TCHH: variants seen among roughly 807,000 people sequenced by gnomAD.
The protein encoded by TCHH is trichohyalin.
A neutral mutation model predicts 6.3 loss-of-function variants in TCHH; 6 were observed. The ratio of observed to expected loss-of-function variants is 0.95; its 90% CI spans 0.52 to 1.88. TCHH has a LOEUF of 1.88. Ranked by LOEUF, TCHH falls within the 40% of genes most tolerant of loss-of-function variation. The pLI, the probability that TCHH is intolerant of heterozygous loss-of-function variation, is 0.01. For synonymous variants in TCHH, 1,087 were observed against 963.6 expected, an observed-to-expected ratio of 1.13 and a Z score of -2.37; for missense variants, 2,920 against 2,449.1, an observed-to-expected ratio of 1.19 and a Z score of -4.06.
Position 152,107,464 on chromosome 1 carries a change from T to C in TCHH, c.5753A>G (p.His1918Arg). ...GCGCACTGGGACACTGGCAAACTGA[T>C]GAGTGCCGGGCTCCAGAAGCCGCCC... ...GHGRLLEPGT[H>R]QFASVPVRSS... The change falls in exon 3 of 3, where the codon CAT becomes CGT. Residue 1918 changes from histidine (H) to arginine (R), a missense_variant. By Grantham distance (29) the His-to-Arg change is conservative. Coordinates refer to ENST00000614923, the MANE Select transcript of TCHH (RefSeq NM_007113.4). The C allele has an allele frequency of 6.2e-7, 1 of 1,614,078 alleles. No individual in the cohort carries two copies. Among genetic ancestry groups the C allele is most frequent in the Non-Finnish European group, 8.5e-7 (1 of 1,179,964 alleles).
intron 1 of TCHH, among the ~76,000 whole-genome samples, chr1:152,114,485 C>T (rs1002899585): frequency 1.1e-4 from 16 of 152,062 alleles, no homozygotes; most frequent in African/African-American, 3.6e-4. Context: ...TAAAGTTGAG[C>T]GAAGAGGACA....
Position 152,111,003 on chromosome 1 carries a change from C to T in TCHH, c.2214G>A (p.Lys738=). Residue 738 remains lysine (K), a synonymous_variant, in exon 3 of 3, where the codon AAG becomes AAA. Transcript: ENST00000614923. ...GCAGCTCACTCTCCCGGCGCCGCCT[C>T]TTTTCCTCCTGCTCTTGGCGGCGCC... The part of the protein sequence containing the change: ...GQRRRQEQEE[K]RRRRESELQW... The T allele has an allele frequency of 6.2e-7, 1 of 1,613,614 alleles. No individual in the cohort carries two copies. Among genetic ancestry groups the T allele is most frequent in the Non-Finnish European group, 8.5e-7 (1 of 1,180,028 alleles).
chr1:152,107,785 TGCTGTTCTTCCCTCTCCTGGCGTA>T lies in TCHH; in HGVS notation c.5408_5431del (p.Leu1803_Gln1810del). ...TCCGTCACGCTGTTGGGGGCGCAGC[TGCTGTTCTTCCCTCTCCTGGCGTA>T]GCTGTTCCTCCTCGCGGAATTTTCT... On this transcript the variant is annotated inframe_deletion, in exon 3 of 3. Coordinates refer to ENST00000614923, the MANE Select transcript of TCHH (RefSeq NM_007113.4). 3 of 1,614,222 alleles carry T rather than the reference TGCTGTTCTTCCCTCTCCTGGCGTA, an allele frequency of 1.9e-6. No homozygotes were observed. The highest frequency in any genetic ancestry group is 2.5e-6 in the Non-Finnish European group (3 of 1,180,010).
At position 152,107,940 on chromosome 1, in the gene TCHH, C is replaced by G. The variant is rs756671908; in HGVS notation, c.5277G>C (p.Arg1759Ser). ...CCTGGCGGCGCAGCTGCTGTTCTTC[C>G]CTTTCCGGACGGAGCTGCTCTTCCT... ...ILEEEQLRPEREEQQLRRQER... is the reference protein window; with the variant it reads ...ILEEEQLRPESEEQQLRRQER... Residue 1759 changes from arginine (R) to serine (S), a missense_variant, in exon 3 of 3, where the codon AGG becomes AGC. Physicochemically the swap from Arg to Ser is moderately radical, Grantham distance 110 (BLOSUM62 -1). Transcript: ENST00000614923. 1.6e-5 allele frequency: 26 copies of G among 1,613,662 alleles called. No homozygotes were observed. In the East Asian group the frequency reaches 5.6e-4, roughly 35 times the overall value.
In TCHH at chr1:152,108,083, C is replaced by T. The variant is rs781392497; in HGVS notation, c.5134G>A (p.Glu1712Lys). The T allele has an allele frequency of 6.8e-6, 11 of 1,613,662 alleles. No individual in the cohort carries two copies. Among genetic ancestry groups the T allele is most frequent in the Non-Finnish European group, 9.3e-6 (11 of 1,179,894 alleles). ...RQERERKFLQ[E>K]EQQLRRQELE... Reference sequence around the variant, plus strand: ...TCCTGGCGGCGCAGCTGCTGTTCCTCCTGGAGGAATTTTCTCTCTCGTTCC... The same window carrying T: ...TCCTGGCGGCGCAGCTGCTGTTCCTTCTGGAGGAATTTTCTCTCTCGTTCC... Residue 1712 changes from glutamate to lysine, a missense_variant, in exon 3 of 3, where the codon GAG (glutamate) becomes AAG (lysine). Coordinates refer to ENST00000614923, the MANE Select transcript of TCHH (RefSeq NM_007113.4).
Position 152,110,628 on chromosome 1 carries a change from C to T in TCHH, c.2589G>A (p.Arg863=), listed in dbSNP as rs747254927. Residue 863 remains arginine (R), a synonymous_variant, in exon 3 of 3, where the codon AGG becomes AGA. Transcript: ENST00000614923. ...EDGLQEDQER[R]RSQEQRRDQK... Reference sequence around the variant, plus strand: ...GGTCGCGGCGCTGCTCCTGGCTTCGCCTCCTCTCCTGATCCTCCTGGAGGC... The same window carrying T: ...GGTCGCGGCGCTGCTCCTGGCTTCGTCTCCTCTCCTGATCCTCCTGGAGGC... 2 of 1,614,136 alleles carry T rather than the reference C, an allele frequency of 1.2e-6. No homozygotes were observed. Among genetic ancestry groups the T allele is most frequent in the Non-Finnish European group, 1.7e-6 (2 of 1,180,036 alleles).
rs1253132902 is a variant in TCHH at position 152,110,463 on chromosome 1, G to T, written c.2754C>A (p.Arg918=). 6.2e-7 allele frequency: 1 copy of T among 1,613,594 alleles called. No individual in the cohort carries two copies. The highest frequency in any genetic ancestry group is 1.3e-5 in the African/African-American group (1 of 74,752). ...EEEEELQREE[R]EKRRRQEQER... The stretch of plus-strand genomic sequence containing the variant: ...CCTGTTCTTGGCGCCTTCTCTTCTC[G>T]CGCTCCTCTCTCTGTAGCTCCTCCT... The change falls in exon 3 of 3, where the codon CGC becomes CGA. Residue 918 remains arginine, a synonymous_variant. Transcript: ENST00000614923.
Position 152,108,787 on chromosome 1 carries a change from T to C in TCHH, c.4430A>G (p.Gln1477Arg), listed in dbSNP as rs759805045. 3.0e-5 allele frequency: 48 copies of C among 1,612,860 alleles called. No individual in the cohort carries two copies. The highest frequency in any genetic ancestry group is 4.0e-5 in the Non-Finnish European group (47 of 1,179,702). ...EQLLQEREEQ[Q>R]LHRQERDRKF... Reference sequence around the variant, plus strand: ...TCTGTCACGCTCTTGGCGGTGCAGCTGCTGTTCTTCCCTTTCCTGGAGCAG... The same window carrying C: ...TCTGTCACGCTCTTGGCGGTGCAGCCGCTGTTCTTCCCTTTCCTGGAGCAG... The change falls in exon 3 of 3, where the codon CAG (glutamine) becomes CGG (arginine). Residue 1477 changes from glutamine to arginine, a missense_variant. By Grantham distance (43) the Gln-to-Arg change is conservative (BLOSUM62 1). Transcript: ENST00000614923.
Position 152,108,210 on chromosome 1 carries a change from G to A in TCHH, c.5007C>T (p.Phe1669=). 6.2e-7 allele frequency: 1 copy of A among 1,610,896 alleles called. No homozygotes were observed. The highest frequency in any genetic ancestry group is 8.5e-7 in the Non-Finnish European group (1 of 1,179,244). The part of the protein sequence containing the change: ...QQLRHDRDRK[F]REEEQLLQEG... ...CCTGGAGCAGCTGTTCCTCTTCACG[G>A]AATTTTCTGTCGCGGTCGTGACGCA... Residue 1669 remains phenylalanine (F), a synonymous_variant, in exon 3 of 3, where the codon TTC becomes TTT. Transcript: ENST00000614923.
In TCHH at chr1:152,109,062, G is replaced by A; in HGVS notation, c.4155C>T (p.Arg1385=). 1 of 1,613,100 alleles carries A rather than the reference G, an allele frequency of 6.2e-7. No homozygotes were observed. Among genetic ancestry groups the A allele is most frequent in the Non-Finnish European group, 8.5e-7 (1 of 1,179,824 alleles). ...TAAGGAATTTTCTCTCCCGTTCCTG[G>A]CGGCGCAGCCGCTGTTCCTCCTCGA... ...KFLEEEQRLR[R]QERERKFLKE... is the part of the protein sequence containing the mutation. The change falls in exon 3 of 3, where the codon CGC becomes CGT. Residue 1385 remains arginine (R), a synonymous_variant. Coordinates refer to ENST00000614923, the MANE Select transcript of TCHH (RefSeq NM_007113.4).
chr1:152,107,352 C>T lies in TCHH; in HGVS notation c.*33G>A, dbSNP rs1431020872. On this transcript the variant is annotated 3_prime_UTR_variant, in exon 3 of 3. Transcript: ENST00000614923. ...GTTTCTCATTTTCCCGTGCTCGAAG[C>T]TTTGGCAGGTGTCAAGATATTGGCA... is the stretch of plus-strand genomic sequence containing the variant. 2.0e-6 allele frequency: 3 copies of T among 1,511,654 alleles called. No individual in the cohort carries two copies. Among genetic ancestry groups the T allele is most frequent in the Admixed American group, 2.2e-5 (1 of 44,828 alleles). 93.6% of individuals were successfully genotyped at this position (1,511,654 alleles called of 1,614,324 possible). A position where few individuals can be genotyped will look rare whatever the true frequency, so the allele number is the denominator to read the frequency against.
Position 152,112,806 on chromosome 1 carries a change from G to T in TCHH, c.411C>A (p.Arg137=). Residue 137 remains arginine, a synonymous_variant, in exon 3 of 3, where the codon CGC becomes CGA. Transcript: ENST00000614923. ...TCTCCTGTTCCTGCCTCTTCTGCCT[G>T]CGTCGTTGCCCAGGTTCTTCTTCCA... The part of the protein sequence containing the change: ...RQLEEEPGQR[R]RQKRQEQERE... 5 of 1,613,916 alleles carry T rather than the reference G, an allele frequency of 3.1e-6. No individual in the cohort carries two copies. Among genetic ancestry groups the T allele is most frequent in the Non-Finnish European group, 4.2e-6 (5 of 1,180,002 alleles).
At position 152,111,544 on chromosome 1, in the gene TCHH, A is replaced by C. The variant is rs751489381; in HGVS notation, c.1673T>G (p.Leu558Arg). The change falls in exon 3 of 3, where the codon CTC becomes CGC. Residue 558 changes from leucine to arginine, a missense_variant. Physicochemically the swap from Leu to Arg is moderately radical, Grantham distance 102. Transcript: ENST00000614923. ...QLLKREEEKR[L>R]EQERREQRLK... ...CCGCTGCTCTCGCCTCTCCTGCTCGAGCCTCTTCTCCTCCTCGCGCTTCAG... is the reference window on the plus strand; with the variant it reads ...CCGCTGCTCTCGCCTCTCCTGCTCGCGCCTCTTCTCCTCCTCGCGCTTCAG... The C allele has an allele frequency of 2.0e-5, 27 of 1,357,804 alleles. No homozygotes were observed. The African/African-American group carries it at 4.8e-4, about 24-fold the overall frequency. 84.1% of individuals were successfully genotyped at this position (1,357,804 alleles called of 1,614,324 possible).
rs1269528542 is a variant in TCHH, at chr1:152,111,925, T to A, written c.1292A>T (p.Glu431Val). The change falls in exon 3 of 3, where the codon GAG becomes GTG. Residue 431 changes from glutamate (E) to valine (V), a missense_variant. By Grantham distance (121) the Glu-to-Val change is moderately radical. Transcript: ENST00000614923. Reference protein sequence around the residue: ...REQQLRREQEEERHEQKHEQE... With the variant: ...REQQLRREQEVERHEQKHEQE... ...CTCGTGCTTCTGCTCGTGCCTCTCC[T>A]CCTCCTGCTCGCGCCTCAGCTGCTG... 1.9e-6 allele frequency: 3 copies of A among 1,597,870 alleles called. No individual in the cohort carries two copies. The highest frequency in any genetic ancestry group is 2.5e-6 in the Non-Finnish European group (3 of 1,177,074).
Position 152,111,892 on chromosome 1 carries a change from C to A in TCHH, c.1325G>T (p.Arg442Met). The A allele has an allele frequency of 6.3e-7, 1 of 1,599,186 alleles. No homozygotes were observed. The highest frequency in any genetic ancestry group is 8.5e-7 in the Non-Finnish European group (1 of 1,176,744). Residue 442 changes from arginine (R) to methionine (M), a missense_variant, in exon 3 of 3, where the codon AGG (arginine) becomes ATG (methionine). By Grantham distance (91) the Arg-to-Met change is moderately conservative. Coordinates refer to ENST00000614923, the MANE Select transcript of TCHH (RefSeq NM_007113.4). ...ERHEQKHEQERREQRLKREQE... is the reference protein window; with the variant it reads ...ERHEQKHEQEMREQRLKREQE... ...CTCGCGCTTCAGCCGCTGCTCGCGCCTCTCCTGCTCGTGCTTCTGCTCGTG... is the reference window on the plus strand; with the variant it reads ...CTCGCGCTTCAGCCGCTGCTCGCGCATCTCCTGCTCGTGCTTCTGCTCGTG...
Position 152,111,727 on chromosome 1 carries a change from C to G in TCHH, c.1490G>C (p.Arg497Pro). The G allele has an allele frequency of 6.3e-7, 1 of 1,587,732 alleles. No individual in the cohort carries two copies. Among genetic ancestry groups the G allele is most frequent in the African/African-American group, 1.4e-5 (1 of 71,492 alleles). Residue 497 changes from arginine to proline, a missense_variant, in exon 3 of 3, where the codon CGC becomes CCC. Coordinates refer to ENST00000614923, the MANE Select transcript of TCHH (RefSeq NM_007113.4). The part of the protein sequence containing the change: ...RWLKLEEEER[R>P]EQQERREQQL... ...CTGCTCGCGCCTCTCCTGCTGCTCG[C>G]GCCTCTCCTCCTCCTCGAGCTTCAG...
chr1:152,109,652 C>A lies in TCHH; in HGVS notation c.3565G>T (p.Glu1189Ter). The change falls in exon 3 of 3, where the codon GAG becomes TAG. Residue 1189 changes from glutamate (E) to a stop codon, truncating the protein, a stop_gained. Transcript: ENST00000614923. LOFTEE classifies it low-confidence loss of function (END_TRUNC). Reference protein sequence around the residue: ...EEEQLLREEQEKRRQERERQY... With the variant: ...EEEQLLREEQ ...CTCTCCCGCTCCTGGCGCCTTTTCTCCTGTTCCTCTCTCAGCAGCTGCTCT... is the reference window on the plus strand; with the variant it reads ...CTCTCCCGCTCCTGGCGCCTTTTCTACTGTTCCTCTCTCAGCAGCTGCTCT... The A allele has an allele frequency of 6.2e-7, 1 of 1,605,076 alleles. No homozygotes were observed. Among genetic ancestry groups the A allele is most frequent in the Middle Eastern group, 1.7e-4 (1 of 6,002 alleles).
In TCHH at chr1:152,110,061, C is replaced by T. The variant is rs1658272871; in HGVS notation, c.3156G>A (p.Glu1052=). 6.2e-7 allele frequency: 1 copy of T among 1,609,420 alleles called. No individual in the cohort carries two copies. Among genetic ancestry groups the T allele is most frequent in the Admixed American group, 1.7e-5 (1 of 59,028 alleles). The change falls in exon 3 of 3, where the codon GAG becomes GAA. Residue 1052 remains glutamate (E), a synonymous_variant. Transcript: ENST00000614923. The part of the protein sequence containing the change: ...RLQERERQYR[E]EEELQQEEEQ... ...CTTCCTCCTGCTGCAGCTCCTCTTC[C>T]TCCCGATATTGCCTCTCCCGCTCCT...
In TCHH at chr1:152,107,691, G is replaced by GTC; in HGVS notation, c.5524_5525dup (p.Asp1842GlufsTer61). On this transcript the variant is annotated frameshift_variant, in exon 3 of 3. Coordinates refer to ENST00000614923, the MANE Select transcript of TCHH (RefSeq NM_007113.4). LOFTEE classifies it low-confidence loss of function (END_TRUNC). ...ACTGCTCCTCCGCCCGGTACTGCCG[G>GTC]TCTCGCTCCTGCCGCAGCCTCTGCT... is the stretch of plus-strand genomic sequence containing the variant. 6.2e-7 allele frequency: 1 copy of GTC among 1,614,200 alleles called. No homozygotes were observed. The highest frequency in any genetic ancestry group is 8.5e-7 in the Non-Finnish European group (1 of 1,180,052).
Sources: gnomAD v4.1 joint callset for allele counts (sites outside exome capture counted in the v4.1 genomes callset) on GRCh38, gnomAD v4.1.1 for gene constraint, MANE v1.5 for transcripts, NCBI Gene and HGNC (gene_info 2026-07-23, HGNC 2026-07-21) for gene names.